Variants in N4BP2L2 observed in about 807,000 individuals in gnomAD.
N4BP2L2 encodes the protein NEDD4 binding protein 2 like 2.
N4BP2L2 carries 50 observed loss-of-function variants against 56.2 expected under a neutral mutation model. The observed-to-expected ratio is 0.89, with a 90% CI of 0.71 to 1.13. The LOEUF is 1.13. N4BP2L2 is among the 50% of genes most tolerant of loss of function. N4BP2L2 has a pLI of 0.00. For missense variants in N4BP2L2, 689 were observed against 693.8 expected, an observed-to-expected ratio of 0.99 and a Z score of 0.08; for synonymous variants, 203 against 223.6, an observed-to-expected ratio of 0.91 and a Z score of 0.82.
exon 6 of N4BP2L2, chr13:32,517,575 T>A: frequency 4.7e-6 from 6 of 1,289,184 alleles, no homozygotes; most frequent in Non-Finnish European, 5.9e-6. Flanking sequence ...GGTGCTTCCA[T>A]AACAGCCAAG....
intron 8 of N4BP2L2, among the ~76,000 whole-genome samples, chr13:32,436,864 C>CTATT (rs71071041): frequency 0.078 from 10,390 of 132,768 alleles, 555 homozygotes; most frequent in Non-Finnish European, 0.12. Context: ...TAATATCTAT[C>CTATT]TATTTATTTA....
chr13:32,502,135 C>G (rs1323224252), intron 6 of N4BP2L2, among the ~76,000 whole-genome samples: 1 of 149,844 alleles, frequency 6.7e-6, no homozygotes, highest in African/African-American at 2.5e-5. Context: ...ACGATCTCGG[C>G]TCACTGCAAC....
chr13:32,536,420 A>T (rs767592015), exon 2 of N4BP2L2: 1 of 1,613,992 alleles, frequency 6.2e-7, no homozygotes. Context: ...AAATGGAACA[A>T]ATTGTTCCTG....
intron 6 of N4BP2L2, chr13:32,504,528 T>C (rs935439734): frequency 7.9e-5 from 12 of 152,200 alleles, no homozygotes; most frequent in African/African-American, 2.7e-4. Context: ...AGGCCCCATC[T>C]CCAAATATGG....
At chr13:32,469,312 T>A (rs1205003182) in intron 6 of N4BP2L2, among the ~76,000 whole-genome samples, 2 of 151,790 alleles carry the variant, frequency 1.3e-5, no homozygotes, top group African/African-American at 4.8e-5. Context: ...AGTGGAGACA[T>A]GGGTGGCAGT....
exon 6 of N4BP2L2, chr13:32,516,111 C>T (rs1319113277): frequency 6.6e-6 from 1 of 152,166 alleles, no homozygotes; most frequent in African/African-American, 2.4e-5. Flanking sequence ...ATATAGTCTA[C>T]CTAAGAGTTG....
chr13:32,529,663 T>G (rs1393513374), intron 2 of N4BP2L2, among the ~76,000 whole-genome samples: 10 of 152,138 alleles, frequency 6.6e-5, no homozygotes, highest in Admixed American at 2.0e-4. Context: ...TTTTGTTTTT[T>G]TTTTTGTTTC....
intron 1 of N4BP2L2, 111 bp from the exon 2 acceptor site, chr13:32,537,138 A>G: frequency 1.3e-6 from 1 of 775,948 alleles, no homozygotes; most frequent in Non-Finnish European, 1.9e-6. Context: ...TGATATATTT[A>G]ATGGTAACAA....
downstream of N4BP2L2, chr13:32,505,396 T>G (rs1001484431): frequency 6.6e-6 from 1 of 152,218 alleles, no homozygotes; most frequent in African/African-American, 2.4e-5. Flanking sequence ...AGGAAATGGT[T>G]GTCTTGCAAC....
exon 2 of N4BP2L2, chr13:32,535,812 G>T: frequency 1.9e-6 from 3 of 1,614,042 alleles, no homozygotes; most frequent in Non-Finnish European, 2.5e-6. Flanking sequence ...CCTCTTAAAA[G>T]AATAAGTAAC....
At chr13:32,496,211 T>G (rs76582991) in intron 6 of N4BP2L2, among the ~76,000 whole-genome samples, 2 of 151,914 alleles carry the variant, frequency 1.3e-5, no homozygotes, top group African/African-American at 4.8e-5. Flanking sequence ...TTTTATTTTT[T>G]TTTTTTTACC....
At chr13:32,441,058 T>G (rs1369828409) in intron 7 of N4BP2L2, among the ~76,000 whole-genome samples, 2 of 152,042 alleles carry the variant, frequency 1.3e-5, no homozygotes, top group Admixed American at 1.3e-4. Flanking sequence ...TTTCGTCATG[T>G]TAGCCAGGCT....
chr13:32,477,854 A>T (rs1437915657), intron 6 of N4BP2L2: 2 of 1,288,706 alleles, frequency 1.6e-6, no homozygotes, highest in South Asian at 1.2e-5. Context: ...ACTGGATTTG[A>T]AACAAAATTC....
chr13:32,486,331 T>C (rs1256332313), intron 6 of N4BP2L2, among the ~76,000 whole-genome samples: 2 of 152,124 alleles, frequency 1.3e-5, no homozygotes, highest in African/African-American at 2.4e-5. Flanking sequence ...TTGCAGATAA[T>C]AGGATCTCAT....
At chr13:32,457,272 T>C (rs1347571479) in intron 6 of N4BP2L2, among the ~76,000 whole-genome samples, 1 of 151,250 alleles carries the variant, frequency 6.6e-6, no homozygotes, top group Non-Finnish European at 1.5e-5. Context: ...ATTTGGAGAG[T>C]TCTAGAAGGT....
intron 3 of N4BP2L2, among the ~76,000 whole-genome samples, chr13:32,526,623 T>C (rs2052885673): frequency 6.6e-6 from 1 of 152,118 alleles, no homozygotes; most frequent in African/African-American, 2.4e-5. Context: ...AGCTATTTGT[T>C]TAATCATCAA....
downstream of N4BP2L2, chr13:32,507,226 C>T (rs2091101174): frequency 6.6e-6 from 1 of 151,862 alleles, no homozygotes; most frequent in South Asian, 2.1e-4. Flanking sequence ...TCCTGGAGTC[C>T]CAGATTTAAA....
rs143701335 is a variant in N4BP2L2 at position 32,441,538 on chromosome 13, G to T, written c.2104+850C>A. On this transcript the variant is annotated intron_variant, in intron 7 of 9. Transcript: ENST00000357505. ...GTCTCTACTAATAATACAAAAATTA[G>T]CTGGGTATGGTGGCGGATGCCTGTA... Among the ~76,000 whole-genome samples the T allele has an allele frequency of 6.6e-3, 1,003 of 150,986 alleles. 9 individuals are homozygous for T. Among genetic ancestry groups the T allele is most frequent in the African/African-American group, 0.022 (921 of 41,108 alleles).
chr13:32,536,852 A>G (rs2056682174), exon 2 of N4BP2L2: 1 of 1,614,014 alleles, frequency 6.2e-7, no homozygotes, highest in Non-Finnish European at 8.5e-7. Flanking sequence ...GACATCAATG[A>G]TGGTCACAGG....
Sources: allele counts gnomAD v4.1 joint callset (sites outside exome capture counted in the v4.1 genomes callset), GRCh38; gene constraint gnomAD v4.1.1; transcripts MANE v1.5; gene names NCBI Gene and HGNC (gene_info 2026-07-23, HGNC 2026-07-21).